Variants in XRN2 observed in about 807,000 individuals in gnomAD.
XRN2 encodes 5'-3' exoribonuclease 2.
A neutral mutation model predicts 138.5 loss-of-function variants in XRN2; 44 were observed. The ratio of observed to expected loss-of-function variants is 0.32; its 90% CI spans 0.25 to 0.41. XRN2 has a LOEUF of 0.41. Ranked by LOEUF, XRN2 falls within the 10% of genes least tolerant of loss-of-function variation. XRN2 has a pLI of 1.00. For missense variants in XRN2, 937 were observed against 1,169.3 expected, an observed-to-expected ratio of 0.80 and a Z score of 2.90; for synonymous variants, 354 against 369.4, an observed-to-expected ratio of 0.96 and a Z score of 0.48.
chr20:21,350,755 G>T (rs2038499707), intron 20 of XRN2, among the ~76,000 whole-genome samples: 1 of 151,698 alleles, frequency 6.6e-6, no homozygotes, highest in Admixed American at 6.6e-5. Context: ...AGACAAAGGG[G>T]GAATAAATAA....
intron 9 of XRN2, 71 bp from the exon 10 acceptor site, chr20:21,333,473 A>C: frequency 6.6e-7 from 1 of 1,519,014 alleles, no homozygotes; most frequent in African/African-American, 1.4e-5. Context: ...AAAAGCCTTA[A>C]AATTTGCTTG....
chr20:21,314,895 T>C (rs1021104845), intron 1 of XRN2, among the ~76,000 whole-genome samples: 2 of 152,050 alleles, frequency 1.3e-5, no homozygotes, highest in African/African-American at 2.4e-5. Flanking sequence ...AAATAGACAG[T>C]AAAGGACAAC....
chr20:21,313,409 A>G lies in XRN2; in HGVS notation c.75+9936A>G, dbSNP rs2037912858. On this transcript the variant is annotated intron_variant, in intron 1 of 29. Coordinates refer to ENST00000377191, the MANE Select transcript of XRN2 (RefSeq NM_012255.5). ...CATGTCCACAAATGACTGCGAAAGT[A>G]CCATGATTATTAATTTTGGGGTTAA... Among the ~76,000 whole-genome samples, 3 of 152,212 alleles carry G rather than the reference A, an allele frequency of 2.0e-5. No homozygotes were observed. The South Asian group carries it at 6.2e-4, about 31-fold the overall frequency.
At chr20:21,322,457 T>C (rs1226489931) in intron 1 of XRN2, among the ~76,000 whole-genome samples, 1 of 152,190 alleles carries the variant, frequency 6.6e-6, no homozygotes, top group East Asian at 1.9e-4. Context: ...AATCTGAAAC[T>C]GAGTTGTATG....
chr20:21,346,667 G>A (rs141751110), intron 17 of XRN2, 117 bp downstream of exon 17: 575 of 1,293,884 alleles, frequency 4.4e-4, no homozygotes, highest in African/African-American at 3.8e-3. Flanking sequence ...TCACCTGGGC[G>A]GGAGGGCAAT....
At chr20:21,364,917 A>AT (rs894797680) in intron 24 of XRN2, among the ~76,000 whole-genome samples, 8 of 151,880 alleles carry the variant, frequency 5.3e-5, no homozygotes, top group Non-Finnish European at 8.8e-5. Flanking sequence ...GTGAAGTTTA[A>AT]TTTTTTTTGT....
chr20:21,344,485 T>C (rs953890482), intron 16 of XRN2, among the ~76,000 whole-genome samples: 4 of 152,170 alleles, frequency 2.6e-5, no homozygotes, highest in African/African-American at 4.8e-5. Flanking sequence ...CGGCTAGATA[T>C]CATATCTAGG....
In XRN2 at chr20:21,333,776, G is replaced by A. The variant is rs143317904; in HGVS notation, c.1006G>A (p.Val336Ile). Residue 336 changes from valine to isoleucine, a missense_variant, in exon 11 of 30, where the codon GTT becomes ATT. Physicochemically the swap from Val to Ile is conservative, Grantham distance 29 (BLOSUM62 3). Around this residue, in one of 6 missense-constraint regions of XRN2, gnomAD observed 471 missense variants for 581.2 expected, o/e 0.81. Transcript: ENST00000377191. ...TGTTGAGAGGAGCATTGATGACTGG[G>A]TTTTCATGTGCTTCTTTGTGGGAAA... ...FDVERSIDDW[V>I]FMCFFVGNDF... 2.1e-3 allele frequency: 3,309 copies of A among 1,614,082 alleles called. 15 individuals are homozygous for A. Among genetic ancestry groups the A allele is most frequent in the Non-Finnish European group, 2.0e-3 (2,310 of 1,180,004 alleles).
intron 1 of XRN2, among the ~76,000 whole-genome samples, chr20:21,315,324 C>T (rs2037943414): frequency 6.6e-6 from 1 of 152,230 alleles, no homozygotes; most frequent in Admixed American, 6.5e-5. Flanking sequence ...CACTTGCCAA[C>T]ACTTGTTATC....
At chr20:21,315,535 C>T (rs1489437828) in intron 1 of XRN2, among the ~76,000 whole-genome samples, 2 of 152,112 alleles carry the variant, frequency 1.3e-5, no homozygotes, top group East Asian at 1.9e-4. Context: ...TCTTGTTACC[C>T]GGGCTGGAGG....
At chr20:21,358,734 G>A (rs1260184101) in intron 24 of XRN2, among the ~76,000 whole-genome samples, 1 of 152,122 alleles carries the variant, frequency 6.6e-6, no homozygotes, top group Non-Finnish European at 1.5e-5. Flanking sequence ...AAATCTTTCT[G>A]GATGAGTTGC....
chr20:21,358,965 A>C (rs914218685), intron 24 of XRN2, among the ~76,000 whole-genome samples: 2 of 152,144 alleles, frequency 1.3e-5, no homozygotes, highest in Non-Finnish European at 2.9e-5. Context: ...CAGGCCAATT[A>C]ATTCCACGGT....
chr20:21,346,624 T>C, intron 17 of XRN2, 74 bp downstream of exon 17: 1 of 1,556,186 alleles, frequency 6.4e-7, no homozygotes, highest in Non-Finnish European at 8.7e-7. Flanking sequence ...TTTTTTTGTT[T>C]GTTTTTTGTT....
chr20:21,330,426 G>C, intron 4 of XRN2, 55 bp from the exon 5 acceptor site: 1 of 1,583,964 alleles, frequency 6.3e-7, no homozygotes, highest in South Asian at 1.1e-5. Context: ...GCTTAATGTT[G>C]AGTAATTTAT....
At chr20:21,346,291 A>G in intron 16 of XRN2, 124 bp from the exon 17 acceptor site, 1 of 1,228,562 alleles carries the variant, frequency 8.1e-7, no homozygotes, top group Non-Finnish European at 1.1e-6. Flanking sequence ...TGTTAGCATG[A>G]CTGTTTAACT....
rs778966708 is a variant in XRN2, at chr20:21,365,507, C to T, written c.2324+18C>T. On this transcript the variant is annotated intron_variant, in intron 25 of 29. Transcript: ENST00000377191. ...GGAGCAAGGTAACAACAGTAAATTA[C>T]CTAGATTTATTTTGTACAAATGGTT... 5 of 1,613,422 alleles carry T rather than the reference C, an allele frequency of 3.1e-6. No homozygotes were observed. The South Asian group carries it at 3.3e-5, about 11-fold the overall frequency.
intron 1 of XRN2, among the ~76,000 whole-genome samples, chr20:21,308,306 A>G (rs1462842143): frequency 2.6e-5 from 4 of 152,240 alleles, no homozygotes; most frequent in African/African-American, 7.2e-5. Flanking sequence ...AAAGAAACCT[A>G]TGAACATCTC....
chr20:21,340,959 A>G (rs1247786289), intron 15 of XRN2, 107 bp downstream of exon 15: 41 of 1,311,842 alleles, frequency 3.1e-5, no homozygotes, highest in Non-Finnish European at 3.7e-5. Context: ...TTTGTTTTAT[A>G]GTTTTTCTTA....
chr20:21,340,905 C>T, intron 15 of XRN2, 53 bp downstream of exon 15: 2 of 1,597,772 alleles, frequency 1.3e-6, no homozygotes, highest in Non-Finnish European at 1.7e-6. Context: ...TCACATACCT[C>T]TTGCAGGGGT....
Sources: gnomAD v4.1 joint callset for allele counts (sites outside exome capture counted in the v4.1 genomes callset) on GRCh38, gnomAD v4.1.1 for gene constraint, gnomAD v4.1.1 regional missense constraint, MANE v1.5 for transcripts, NCBI Gene and HGNC (gene_info 2026-07-23, HGNC 2026-07-21) for gene names.